NOS1AP: variants seen among roughly 807,000 people sequenced by gnomAD.
NOS1AP encodes the protein nitric oxide synthase 1 adaptor protein.
A neutral mutation model predicts 56.2 loss-of-function variants in NOS1AP; 21 were observed. The observed-to-expected ratio is 0.37, with a 90% confidence interval of 0.26 to 0.54. The LOEUF (loss-of-function observed/expected upper bound fraction) is 0.54, where lower values mean the gene tolerates loss of function less well. Ranked by LOEUF, NOS1AP falls within the 20% of genes least tolerant of loss-of-function variation. The pLI is 0.84. For missense variants in NOS1AP, 522 were observed against 657.8 expected, an observed-to-expected ratio of 0.79 and a Z score of 2.26; for synonymous variants, 270 against 274.6, an observed-to-expected ratio of 0.98 and a Z score of 0.17.
intron 4 of NOS1AP, among the ~76,000 whole-genome samples, chr1:162,315,096 T>C (rs187721665): frequency 7.2e-4 from 110 of 152,356 alleles, no homozygotes; most frequent in South Asian, 2.9e-3. Flanking sequence ...GACCTTTATG[T>C]TACCCTCAGT....
chr1:162,098,915 G>C, intron 1 of NOS1AP, among the ~76,000 whole-genome samples: 1 of 152,152 alleles, frequency 6.6e-6, no homozygotes. Flanking sequence ...GTGTATCACT[G>C]ATGGGCATTT....
At chr1:162,232,055 G>A (rs75215214) in intron 2 of NOS1AP, among the ~76,000 whole-genome samples, 38 of 152,284 alleles carry the variant, frequency 2.5e-4, no homozygotes, top group African/African-American at 8.4e-4. Context: ...TAGCACAGAG[G>A]TATCCTTTGT....
intron 1 of NOS1AP, among the ~76,000 whole-genome samples, chr1:162,082,119 T>C (rs1225638111): frequency 1.3e-5 from 2 of 152,064 alleles, no homozygotes; most frequent in Non-Finnish European, 2.9e-5. Flanking sequence ...CCGCAGTGTG[T>C]GGTGTTCCCC....
intron 8 of NOS1AP, 54 bp from the exon 9 acceptor site, chr1:162,365,350 A>T: frequency 6.2e-7 from 1 of 1,612,450 alleles, no homozygotes. Context: ...ATGTGCATTC[A>T]TGTCCCTCTC....
intron 6 of NOS1AP, among the ~76,000 whole-genome samples, chr1:162,351,861 C>A (rs1377307324): frequency 6.6e-6 from 1 of 152,150 alleles, no homozygotes; most frequent in Non-Finnish European, 1.5e-5. Flanking sequence ...ATCTTTTCAA[C>A]CTCCAGTAAT....
intron 2 of NOS1AP, among the ~76,000 whole-genome samples, chr1:162,239,761 C>A (rs1246373746): frequency 6.6e-6 from 1 of 152,060 alleles, no homozygotes; most frequent in East Asian, 1.9e-4. Context: ...GGAGAGAACC[C>A]CAGTAGGAAA....
chr1:162,212,624 G>A lies in NOS1AP; in HGVS notation c.177+58148G>A, dbSNP rs150482993. Among the ~76,000 whole-genome samples the A allele has an allele frequency of 1.7e-3, 252 of 152,254 alleles. 1 individual carries two copies. The East Asian group carries it at 0.023, about 14-fold the overall frequency. ...TGGTAAGGGATATAGGATAAGAACA[G>A]GGGTAATTGTAAAAGCTTCGGGATT... is the stretch of plus-strand genomic sequence containing the variant. On this transcript the variant is annotated intron_variant, in intron 2 of 9. Transcript: ENST00000361897.
In NOS1AP at chr1:162,357,075, T is replaced by A; in HGVS notation, c.878T>A (p.Met293Lys). ...ACACCGCTGTCCACTCACCACCAGA[T>A]GCAGCTCCTCCAGCAGCTCCTCCAG... is the stretch of plus-strand genomic sequence containing the variant. The part of the protein sequence containing the change: ...TETPLSTHHQ[M>K]QLLQQLLQQQ... The change falls in exon 8 of 10, where the codon ATG becomes AAG. Residue 293 changes from methionine (M) to lysine (K), a missense_variant. Met to Lys is a moderately conservative substitution (Grantham distance 95). Coordinates refer to ENST00000361897, the MANE Select transcript of NOS1AP (RefSeq NM_014697.3). 6.2e-7 allele frequency: 1 copy of A among 1,612,700 alleles called. No homozygotes were observed. The highest frequency in any genetic ancestry group is 8.5e-7 in the Non-Finnish European group (1 of 1,179,996).
At chr1:162,179,139 T>C (rs774516429) in intron 2 of NOS1AP, among the ~76,000 whole-genome samples, 3 of 152,228 alleles carry the variant, frequency 2.0e-5, no homozygotes, top group Non-Finnish European at 4.4e-5. Flanking sequence ...GTGTATCTCG[T>C]AGTTACTGGG....
intron 5 of NOS1AP, among the ~76,000 whole-genome samples, chr1:162,341,298 A>C (rs1486418883): frequency 6.6e-6 from 1 of 152,210 alleles, no homozygotes; most frequent in South Asian, 2.1e-4. Flanking sequence ...CAAACTCAGT[A>C]GTGAATTTAG....
intron 2 of NOS1AP, among the ~76,000 whole-genome samples, chr1:162,281,369 C>G (rs2101730468): frequency 6.6e-6 from 1 of 152,276 alleles, no homozygotes; most frequent in South Asian, 2.1e-4. Flanking sequence ...ATTTATCACC[C>G]TCCTATGTCC....
chr1:162,329,110 A>G (rs1656683783), intron 4 of NOS1AP, among the ~76,000 whole-genome samples: 1 of 152,246 alleles, frequency 6.6e-6, no homozygotes, highest in Non-Finnish European at 1.5e-5. Context: ...TTTTTCTTTC[A>G]GTCATTTATG....
chr1:162,102,297 C>T (rs1647314166), intron 1 of NOS1AP, among the ~76,000 whole-genome samples: 1 of 152,164 alleles, frequency 6.6e-6, no homozygotes, highest in Non-Finnish European at 1.5e-5. Context: ...GGGAGGAAGC[C>T]AGCTTGATCG....
At chr1:162,118,721 A>G (rs779849421) in intron 1 of NOS1AP, among the ~76,000 whole-genome samples, 1 of 152,222 alleles carries the variant, frequency 6.6e-6, no homozygotes, top group Non-Finnish European at 1.5e-5. Flanking sequence ...TTGAATATAT[A>G]TATTAGTCAA....
chr1:162,220,889 T>G (rs185758856), intron 2 of NOS1AP, among the ~76,000 whole-genome samples: 14 of 152,294 alleles, frequency 9.2e-5, no homozygotes, highest in Non-Finnish European at 1.5e-5. Context: ...CTATCCAGAA[T>G]TTGTTGACTA....
intron 1 of NOS1AP, among the ~76,000 whole-genome samples, chr1:162,081,424 G>A (rs910604381): frequency 1.3e-5 from 2 of 152,056 alleles, no homozygotes; most frequent in African/African-American, 4.8e-5. Context: ...AAGGAGAGGA[G>A]CTCTGGGAGG....
At chr1:162,362,838 C>T in intron 8 of NOS1AP, 1 of 421,746 alleles carries the variant, frequency 2.4e-6, no homozygotes, top group South Asian at 1.0e-4. Context: ...TTCTCCATGC[C>T]TCCCTTTCCA....
intron 1 of NOS1AP, among the ~76,000 whole-genome samples, chr1:162,127,046 TTTTCA>T (rs1185710293): frequency 2.0e-5 from 3 of 152,220 alleles, no homozygotes; most frequent in Non-Finnish European, 4.4e-5. Flanking sequence ...ATTGAGCATC[TTTTCA>T]TTTAAGGGCC....
In NOS1AP at chr1:162,070,128, C is replaced by T. The variant is rs1204805892; in HGVS notation, c.-50C>T. The T allele has an allele frequency of 6.8e-7, 1 of 1,477,546 alleles. No homozygotes were observed. The highest frequency in any genetic ancestry group is 1.7e-5 in the Admixed American group (1 of 59,662). 91.5% of individuals were successfully genotyped at this position (1,477,546 alleles called of 1,614,324 possible). Reference sequence around the variant, plus strand: ...CTCCCCTCCCCGGGGTCTCGCCAGCCCCTTCCTGCAGCCGCCGCCTCCGAA... The same window carrying T: ...CTCCCCTCCCCGGGGTCTCGCCAGCTCCTTCCTGCAGCCGCCGCCTCCGAA... On this transcript the variant is annotated 5_prime_UTR_variant, in exon 1 of 10. Coordinates refer to ENST00000361897, the MANE Select transcript of NOS1AP (RefSeq NM_014697.3).
Sources: allele counts gnomAD v4.1 joint callset (sites outside exome capture counted in the v4.1 genomes callset), GRCh38; gene constraint gnomAD v4.1.1; transcripts MANE v1.5; gene names NCBI Gene and HGNC (gene_info 2026-07-23, HGNC 2026-07-21).